The following TPO variants were observed in gnomAD, a reference collection of about 807,000 sequenced individuals.
TPO encodes thyroid microsomal antigen.
TPO carries 78 observed loss-of-function variants against 96.9 expected under a neutral mutation model. The ratio of observed to expected loss-of-function variants is 0.81; its 90% CI spans 0.67 to 0.97. The LOEUF (loss-of-function observed/expected upper bound fraction) is 0.97. Ranked by LOEUF, TPO falls within the 50% of genes least tolerant of loss-of-function variation. The pLI, the probability that TPO is intolerant of heterozygous loss-of-function variation, is 0.00. For synonymous variants in TPO, 547 were observed against 538.0 expected, an observed-to-expected ratio of 1.02 and a Z score of -0.23; for missense variants, 1,252 against 1,274.8, an observed-to-expected ratio of 0.98 and a Z score of 0.27.
chr2:1,522,061 C>A (rs1350267088), intron 15 of TPO, among the ~76,000 whole-genome samples: 1 of 152,020 alleles, frequency 6.6e-6, no homozygotes, highest in Non-Finnish European at 1.5e-5. Context: ...CCTCTCCTGA[C>A]CCCAGGCTGT....
intron 3 of TPO, among the ~76,000 whole-genome samples, chr2:1,433,140 C>T (rs17091667): frequency 0.052 from 7,940 of 152,090 alleles, 580 homozygotes; most frequent in African/African-American, 0.15. Context: ...ATGGCCTGTC[C>T]GCAATTGTTA....
chr2:1,406,901 C>G (rs538535323), intron 1 of TPO, among the ~76,000 whole-genome samples: 30 of 152,108 alleles, frequency 2.0e-4, no homozygotes, highest in Non-Finnish European at 4.3e-4. Context: ...AGATCATCAG[C>G]CTGGAGGGAA....
intron 8 of TPO, among the ~76,000 whole-genome samples, chr2:1,479,982 A>G (rs531237416): frequency 1.3e-5 from 2 of 152,242 alleles, no homozygotes; most frequent in Admixed American, 6.5e-5. Flanking sequence ...GGGTTTTGCC[A>G]TGTTGGCTAG....
intron 13 of TPO, among the ~76,000 whole-genome samples, chr2:1,497,452 G>A (rs1300321042): frequency 5.9e-5 from 9 of 152,210 alleles, no homozygotes; most frequent in Non-Finnish European, 1.0e-4. Flanking sequence ...AGCAGAATGA[G>A]AGTCCCCATC....
chr2:1,531,887 A>AC (rs1293520390), intron 15 of TPO, among the ~76,000 whole-genome samples: 2 of 35,894 alleles, frequency 5.6e-5, no homozygotes, highest in Non-Finnish European at 1.1e-4. Flanking sequence ...TCCTCAAATC[A>AC]CCCTACTGTG....
intron 1 of TPO, among the ~76,000 whole-genome samples, chr2:1,393,388 G>A (rs925411976): frequency 1.3e-5 from 2 of 152,226 alleles, no homozygotes. Flanking sequence ...TTCAACGTGA[G>A]GTTTGGGTGG....
chr2:1,388,614 T>A (rs1173768280), intron 1 of TPO, among the ~76,000 whole-genome samples: 2 of 152,184 alleles, frequency 1.3e-5, no homozygotes, highest in African/African-American at 4.8e-5. Flanking sequence ...CTGTCACAGC[T>A]TTGCTTGGCT....
chr2:1,543,367 A>G lies in TPO; in HGVS notation c.*893A>G, dbSNP rs1237089973. 2.0e-5 allele frequency: 3 copies of G among 152,256 alleles called. No individual in the cohort carries two copies. Among genetic ancestry groups the G allele is most frequent in the East Asian group, 1.9e-4 (1 of 5,182 alleles). 9.4% of individuals were successfully genotyped at this position (152,256 alleles called of 1,614,324 possible). A position where few individuals can be genotyped will look rare whatever the true frequency, so the allele number is the denominator to read the frequency against. On this transcript the variant is annotated 3_prime_UTR_variant, in exon 17 of 17. Transcript: ENST00000329066. ...ACATCTGACCTGGAGTTCTACCTGC[A>G]CTAAGAGAAGAGAGTGGTAACTAAT...
chr2:1,518,099 C>T (rs977660564), intron 15 of TPO, among the ~76,000 whole-genome samples: 5 of 152,204 alleles, frequency 3.3e-5, no homozygotes, highest in Non-Finnish European at 5.9e-5. Context: ...ATGGATTATC[C>T]AAGCCTCCCA....
intron 8 of TPO, chr2:1,478,452 G>A: frequency 6.2e-6 from 6 of 965,186 alleles, no homozygotes; most frequent in African/African-American, 1.8e-5. Context: ...AGCCTTGTCC[G>A]AGGAGGCACA....
chr2:1,417,924 C>A (rs1421203951), intron 2 of TPO, among the ~76,000 whole-genome samples: 1 of 105,674 alleles, frequency 9.5e-6, no homozygotes, highest in Non-Finnish European at 1.9e-5. Flanking sequence ...CAGGCCAGTG[C>A]CGTGACTCAC....
At chr2:1,376,680 C>A (rs1177935389) in intron 1 of TPO, among the ~76,000 whole-genome samples, 6 of 152,112 alleles carry the variant, frequency 3.9e-5, no homozygotes, top group Non-Finnish European at 8.8e-5. Context: ...ACCTCCCAGA[C>A]CCATGACCGA....
chr2:1,524,817 A>G (rs149252838), intron 15 of TPO, among the ~76,000 whole-genome samples: 3,575 of 123,490 alleles, frequency 0.029, 279 homozygotes, highest in Non-Finnish European at 0.042. Flanking sequence ...ACTGTGTGCC[A>G]CTTCCCCAAA....
At chr2:1,400,220 C>T (rs116151676) in intron 1 of TPO, among the ~76,000 whole-genome samples, 2,125 of 152,220 alleles carry the variant, frequency 0.014, 36 homozygotes, top group African/African-American at 0.048. Context: ...AGGCCAGCTG[C>T]GGTGGCTCAC....
chr2:1,435,443 T>C (rs989989977), intron 4 of TPO, among the ~76,000 whole-genome samples: 1 of 152,224 alleles, frequency 6.6e-6, no homozygotes, highest in Non-Finnish European at 1.5e-5. Flanking sequence ...GACTAGTTTG[T>C]TTCTCTCATA....
At chr2:1,478,307 T>C (rs2148677103) in intron 8 of TPO, 6 of 985,372 alleles carry the variant, frequency 6.1e-6, no homozygotes, top group African/African-American at 1.7e-5. Flanking sequence ...GGAAGAAGGA[T>C]GGGCTGTTTG....
chr2:1,516,808 C>A lies in TPO; in HGVS notation c.2519-75C>A, dbSNP rs563746129. 1.4e-5 allele frequency: 20 copies of A among 1,399,980 alleles called. No homozygotes were observed. The South Asian group carries it at 2.2e-4, about 15-fold the overall frequency. 86.7% of individuals were successfully genotyped at this position (1,399,980 alleles called of 1,614,324 possible). A position where few individuals can be genotyped will look rare whatever the true frequency, so the allele number is the denominator to read the frequency against. On this transcript the variant is annotated intron_variant, in intron 14 of 16. Transcript: ENST00000329066. ...CACTGGCCCAGGACAGGGTATGGCC[C>A]AGACTCAGGCAGGACAACCTGGCTT...
chr2:1,450,079 C>G (rs4927609), intron 5 of TPO, among the ~76,000 whole-genome samples: 32 of 152,116 alleles, frequency 2.1e-4, no homozygotes, highest in African/African-American at 7.5e-4. Context: ...CCGCTGCTGC[C>G]CCGCTGAGAA....
At chr2:1,503,216 G>A (rs755602968) in intron 13 of TPO, among the ~76,000 whole-genome samples, 3 of 152,120 alleles carry the variant, frequency 2.0e-5, no homozygotes, top group Non-Finnish European at 4.4e-5. Context: ...CCTGGCCCTC[G>A]GCGGAGGCTG....
Sources: allele counts gnomAD v4.1 joint callset (sites outside exome capture counted in the v4.1 genomes callset), GRCh38; gene constraint gnomAD v4.1.1; transcripts MANE v1.5; gene names NCBI Gene and HGNC (gene_info 2026-07-23, HGNC 2026-07-21).